Variants in ABCC11 observed in about 807,000 individuals in gnomAD.
ABCC11 encodes the protein ATP-binding cassette sub-family C member 11.
A neutral mutation model predicts 149.3 loss-of-function variants in ABCC11; 135 were observed. The observed-to-expected ratio is 0.90, with a 90% confidence interval of 0.79 to 1.04. The LOEUF (loss-of-function observed/expected upper bound fraction) is 1.04. Ranked by LOEUF, ABCC11 falls within the 50% of genes least tolerant of loss-of-function variation. The pLI is 0.00. For missense variants in ABCC11, 1,680 were observed against 1,722.1 expected (o/e 0.98, Z 0.43); for synonymous variants, 665 against 671.4 (o/e 0.99, Z 0.15).
At chr16:48,230,597 C>T (rs764321417) in intron 2 of ABCC11, 24 bp from the exon 3 acceptor site, 155 of 1,535,186 alleles carry the variant, frequency 1.0e-4, no homozygotes, top group Non-Finnish European at 1.3e-4. Context: ...AACAAAAGAG[C>T]ATCAGTTTCA....
In ABCC11 at chr16:48,167,513, C is replaced by T; in HGVS notation, c.4039G>A (p.Val1347Ile). 1 of 1,614,198 alleles carries T rather than the reference C, an allele frequency of 6.2e-7. No homozygotes were observed. The highest frequency in any genetic ancestry group is 1.3e-5 in the African/African-American group (1 of 75,054). The change falls in exon 29 of 30, where the codon GTT becomes ATT. Residue 1347 changes from valine (V) to isoleucine (I), a missense_variant. Physicochemically the swap from Val to Ile is conservative, Grantham distance 29 (BLOSUM62 3). Coordinates refer to ENST00000356608, the MANE Select transcript of ABCC11 (RefSeq NM_001370497.1). ...GCCTTCACCTTCCCATTGCCCATAA[C>T]CAGGATGTGGTCACAGTTCAGCACA... ...TTVLNCDHIL[V>I]MGNGKVVEFD...
Position 48,198,051 on chromosome 16 carries a change from G to A in ABCC11, c.2234C>T (p.Thr745Ile). ...CTTTGGCTTCTCTGCTATCTTTGCT[G>A]TGTCCTGCAACATGTCCTGGGGAGA... ...KEATSDMLQDTAKIAEKPKVE... is the reference protein window; with the variant it reads ...KEATSDMLQDIAKIAEKPKVE... Residue 745 changes from threonine (T) to isoleucine (I), a missense_variant, in exon 17 of 30, where the codon ACA (threonine) becomes ATA (isoleucine). Coordinates refer to ENST00000356608, the MANE Select transcript of ABCC11 (RefSeq NM_001370497.1). 1 of 1,614,192 alleles carries A rather than the reference G, an allele frequency of 6.2e-7. No homozygotes were observed. The highest frequency in any genetic ancestry group is 1.1e-5 in the South Asian group (1 of 91,088).
chr16:48,187,554 T>G, intron 20 of ABCC11, 127 bp from the exon 21 acceptor site: 1 of 750,720 alleles, frequency 1.3e-6, no homozygotes, highest in South Asian at 1.8e-5. Context: ...GCAGGCAATG[T>G]AGAGCAATGA....
chr16:48,213,216 T>G (rs1363350653), intron 10 of ABCC11, among the ~76,000 whole-genome samples: 1 of 152,248 alleles, frequency 6.6e-6, no homozygotes. Context: ...GTCTGAGACC[T>G]GGTTTGGACA....
In ABCC11 at chr16:48,167,634, G is replaced by C. The variant is rs545144774; in HGVS notation, c.3918C>G (p.Ala1306=). Reference sequence around the variant, plus strand: ...GGGTGTCTGTCTCCATGTCAATGGAGGCTGTGGCTTCATCGATAAGGATGA... The same window carrying C: ...GGGTGTCTGTCTCCATGTCAATGGACGCTGTGGCTTCATCGATAAGGATGA... ...SKIILIDEAT[A]SIDMETDTLI... is the part of the protein sequence containing the mutation. Residue 1306 remains alanine (A), a synonymous_variant, in exon 29 of 30, where the codon GCC becomes GCG. Transcript: ENST00000356608. 1.2e-6 allele frequency: 2 copies of C among 1,614,208 alleles called. No homozygotes were observed. The highest frequency in any genetic ancestry group is 4.5e-5 in the East Asian group (2 of 44,882).
chr16:48,233,387 A>G (rs1970527503), intron 1 of ABCC11, among the ~76,000 whole-genome samples: 1 of 152,232 alleles, frequency 6.6e-6, no homozygotes, highest in African/African-American at 2.4e-5. Flanking sequence ...CCTACAGACC[A>G]TATAAGATAG....
Position 48,193,772 on chromosome 16 carries a change from T to C in ABCC11, c.2508+107A>G, listed in dbSNP as rs1967131593. 4.4e-6 allele frequency: 4 copies of C among 899,102 alleles called. No homozygotes were observed. The Admixed American group carries it at 7.3e-5, about 17-fold the overall frequency. 55.7% of individuals were successfully genotyped at this position (899,102 alleles called of 1,614,324 possible). ...TGGAACACCAGCTCTGGGCTTGTCATGTGGGTCCCAAGCCATGCTCTGGCT... is the reference window on the plus strand; with the variant it reads ...TGGAACACCAGCTCTGGGCTTGTCACGTGGGTCCCAAGCCATGCTCTGGCT... On this transcript the variant is annotated intron_variant, in intron 19 of 29. Transcript: ENST00000356608.
At chr16:48,204,709 G>A (rs896009819) in intron 13 of ABCC11, among the ~76,000 whole-genome samples, 3 of 152,182 alleles carry the variant, frequency 2.0e-5, no homozygotes, top group Non-Finnish European at 4.4e-5. Context: ...TTGTTCCCGG[G>A]GGCAGATTGC....
intron 3 of ABCC11, among the ~76,000 whole-genome samples, chr16:48,229,902 G>A (rs1654344197): frequency 6.6e-6 from 1 of 152,164 alleles, no homozygotes; most frequent in African/African-American, 2.4e-5. Flanking sequence ...GACACATCAT[G>A]CTGTGTTCCT....
At chr16:48,204,438 G>A (rs1298386730) in intron 13 of ABCC11, among the ~76,000 whole-genome samples, 1 of 152,144 alleles carries the variant, frequency 6.6e-6, no homozygotes, top group African/African-American at 2.4e-5. Flanking sequence ...AAATACAAGA[G>A]ATATGTAGGA....
rs1042003419 is a variant in ABCC11, at chr16:48,187,152, T to C, written c.2933+49A>G. Reference sequence around the variant, plus strand: ...CACCTCTGGGACCATCTAGTCTGGGTTGGTCCCAGCCTTGCTCCCCAAGTC... The same window carrying C: ...CACCTCTGGGACCATCTAGTCTGGGCTGGTCCCAGCCTTGCTCCCCAAGTC... On this transcript the variant is annotated intron_variant, in intron 21 of 29. Transcript: ENST00000356608. 5 of 1,613,472 alleles carry C rather than the reference T, an allele frequency of 3.1e-6. No homozygotes were observed. The East Asian group carries it at 8.9e-5, about 29-fold the overall frequency.
At chr16:48,226,299 G>A (rs1292069653) in intron 4 of ABCC11, among the ~76,000 whole-genome samples, 1 of 143,870 alleles carries the variant, frequency 7.0e-6, no homozygotes, top group Non-Finnish European at 1.5e-5. Flanking sequence ...TTTTGAGATG[G>A]AGTCTCACTC....
chr16:48,245,209 G>A (rs181553213), intron 1 of ABCC11, among the ~76,000 whole-genome samples: 135 of 151,974 alleles, frequency 8.9e-4, no homozygotes, highest in Non-Finnish European at 1.4e-3. Flanking sequence ...CTTTGTAAAG[G>A]GCCTTTACTG....
At chr16:48,170,989 A>G in intron 26 of ABCC11, 22 bp from the exon 27 acceptor site, 1 of 1,575,266 alleles carries the variant, frequency 6.3e-7, no homozygotes, top group Non-Finnish European at 8.7e-7. Flanking sequence ...GAGAAAGAGA[A>G]GTGTTCAACA....
chr16:48,181,606 A>T (rs538880359), intron 23 of ABCC11, among the ~76,000 whole-genome samples: 19 of 149,566 alleles, frequency 1.3e-4, no homozygotes, highest in African/African-American at 3.7e-4. Flanking sequence ...TCCAAACCAC[A>T]TGTTCTTTTT....
chr16:48,192,497 C>T (rs1206567517), intron 20 of ABCC11, 23 bp downstream of exon 20: 1 of 1,613,022 alleles, frequency 6.2e-7, no homozygotes, highest in East Asian at 2.2e-5. Flanking sequence ...GCCTTCGGCC[C>T]CACCCAGCAC....
intron 22 of ABCC11, 65 bp downstream of exon 22, chr16:48,186,888 T>C: frequency 6.3e-7 from 1 of 1,588,712 alleles, no homozygotes; most frequent in South Asian, 1.1e-5. Context: ...AGACGCTCCA[T>C]TCTTTCCCTG....
At chr16:48,172,375 G>A (rs1407859902) in intron 26 of ABCC11, among the ~76,000 whole-genome samples, 1 of 151,926 alleles carries the variant, frequency 6.6e-6, no homozygotes, top group Non-Finnish European at 1.5e-5. Flanking sequence ...AACACTTTGG[G>A]ATATATAACT....
chr16:48,244,560 G>A (rs1290699711), intron 1 of ABCC11: 1 of 1,535,942 alleles, frequency 6.5e-7, no homozygotes, highest in Non-Finnish European at 8.7e-7. Flanking sequence ...CACCATCCTG[G>A]GCGTCATCCC....
Sources: allele counts gnomAD v4.1 joint callset (sites outside exome capture counted in the v4.1 genomes callset), GRCh38; gene constraint gnomAD v4.1.1; transcripts MANE v1.5; gene names NCBI Gene and HGNC (gene_info 2026-07-23, HGNC 2026-07-21).